CLASP2: variants seen among roughly 807,000 people sequenced by gnomAD.
CLASP2 encodes CLIP-associating protein 2.
Under a neutral mutation model 194.4 loss-of-function variants are expected in CLASP2, and 47 were observed. That is an observed-to-expected ratio of 0.24 (90% confidence interval 0.19 to 0.31). The LOEUF (loss-of-function observed/expected upper bound fraction) is 0.31. CLASP2 is among the 10% of genes least tolerant of loss of function. CLASP2 has a pLI of 1.00. For synonymous variants in CLASP2, 619 were observed against 633.5 expected, an observed-to-expected ratio of 0.98 and a Z score of 0.34; for missense variants, 1,445 against 1,823.6, an observed-to-expected ratio of 0.79 and a Z score of 3.78.
intron 10 of CLASP2, among the ~76,000 whole-genome samples, chr3:33,623,422 A>AC (rs1401289156): frequency 2.0e-5 from 3 of 150,066 alleles, no homozygotes; most frequent in African/African-American, 7.3e-5. Context: ...TCCCTACCCA[A>AC]CCCCCAACTA....
chr3:33,528,631 G>A (rs183624642), intron 34 of CLASP2, among the ~76,000 whole-genome samples: 2 of 152,206 alleles, frequency 1.3e-5, no homozygotes, highest in African/African-American at 2.4e-5. Flanking sequence ...GAGTGGTGGT[G>A]TGTGCCTGTA....
At position 33,571,015 on chromosome 3, in the gene CLASP2, A is replaced by ATTTTTTTTTTTTTTTTTTTTTTTTTTT. The variant is rs1027731514; in HGVS notation, c.2700-226_2700-225insAAAAAAAAAAAAAAAAAAAAAAAAAAA. ...AGATGGCAAGATCCTGTCTCTATAA[A>ATTTTTTTTTTTTTTTTTTTTTTTTTTT]TTTTTTTTTTTTTTTTTTGAGACGG... On this transcript the variant is annotated intron_variant, in intron 25 of 38. Coordinates refer to ENST00000682230, the MANE Select transcript of CLASP2 (RefSeq NM_001365631.1). Among the ~76,000 whole-genome samples, 18 of 123,920 alleles carry ATTTTTTTTTTTTTTTTTTTTTTTTTTT rather than the reference A, an allele frequency of 1.5e-4. 1 individual carries two copies. The highest frequency in any genetic ancestry group is 5.1e-4 in the East Asian group (2 of 3,910). The allele number at this position is 123,920 out of a possible 152,430, so 81.3% of individuals were successfully genotyped here.
At chr3:33,504,835 G>A (rs1012592683) in intron 37 of CLASP2, 1 of 152,606 alleles carries the variant, frequency 6.6e-6, no homozygotes, top group African/African-American at 2.4e-5. Context: ...TCTGACAGGA[G>A]GCGAAGCTCA....
chr3:33,596,433 T>TA (rs1280188093), intron 19 of CLASP2, among the ~76,000 whole-genome samples: 1 of 152,134 alleles, frequency 6.6e-6, no homozygotes, highest in Non-Finnish European at 1.5e-5. Flanking sequence ...GAATCGAGAA[T>TA]ATTCAGAGGC....
intron 6 of CLASP2, among the ~76,000 whole-genome samples, chr3:33,664,292 C>A (rs867993213): frequency 1.3e-5 from 2 of 151,652 alleles, no homozygotes; most frequent in Non-Finnish European, 2.9e-5. Flanking sequence ...TTTTAGTTTG[C>A]TTTTCTTTCT....
intron 1 of CLASP2, among the ~76,000 whole-genome samples, chr3:33,701,581 G>A (rs1398811404): frequency 6.6e-6 from 1 of 152,178 alleles, no homozygotes; most frequent in Non-Finnish European, 1.5e-5. Context: ...GGGTAACAGA[G>A]TAATACCCTG....
At chr3:33,715,847 TAAAAAAAAA>T (rs59528446) in intron 1 of CLASP2, among the ~76,000 whole-genome samples, 4 of 62,170 alleles carry the variant, frequency 6.4e-5, no homozygotes, top group Non-Finnish European at 8.6e-5. Context: ...GTATCTTAAG[TAAAAAAAAA>T]AAAAAAAAAA....
chr3:33,587,394 G>T (rs1035599434), intron 21 of CLASP2, among the ~76,000 whole-genome samples: 4 of 152,134 alleles, frequency 2.6e-5, no homozygotes, highest in Admixed American at 2.6e-4. Context: ...AAAGTGCTGG[G>T]ATTACAGGCG....
At chr3:33,689,560 A>G (rs948043675) in intron 3 of CLASP2, among the ~76,000 whole-genome samples, 3 of 152,134 alleles carry the variant, frequency 2.0e-5, no homozygotes, top group Admixed American at 2.0e-4. Context: ...GAGAAACCAA[A>G]AAATCCTAAA....
chr3:33,572,212 A>G (rs2063914371), intron 25 of CLASP2, among the ~76,000 whole-genome samples: 1 of 152,184 alleles, frequency 6.6e-6, no homozygotes, highest in Admixed American at 6.5e-5. Context: ...ATTCTAAACT[A>G]TGCCTACTCC....
chr3:33,651,382 C>CAAAA (rs11317189), intron 7 of CLASP2, among the ~76,000 whole-genome samples: 1 of 90,260 alleles, frequency 1.1e-5, no homozygotes, highest in African/African-American at 3.6e-5. Context: ...GATCCTGTCT[C>CAAAA]AAAAAAAAAA....
At chr3:33,507,360 G>C (rs1159961501) in intron 37 of CLASP2, among the ~76,000 whole-genome samples, 2 of 152,198 alleles carry the variant, frequency 1.3e-5, no homozygotes, top group Non-Finnish European at 2.9e-5. Flanking sequence ...TTCTGAATTT[G>C]ACAGAATATA....
intron 34 of CLASP2, among the ~76,000 whole-genome samples, chr3:33,521,648 G>C (rs2053126277): frequency 6.6e-6 from 1 of 152,206 alleles, no homozygotes; most frequent in Non-Finnish European, 1.5e-5. Flanking sequence ...GCAATGTGTG[G>C]TTCTGAAATG....
At chr3:33,611,878 AC>A (rs1418428718) in intron 13 of CLASP2, 122 bp downstream of exon 13, 43 of 670,746 alleles carry the variant, frequency 6.4e-5, no homozygotes, top group Non-Finnish European at 1.0e-4. Context: ...ACAAAACAAA[AC>A]ACTTTTTTAT....
At chr3:33,523,723 T>C (rs140801272) in intron 34 of CLASP2, among the ~76,000 whole-genome samples, 237 of 152,354 alleles carry the variant, frequency 1.6e-3, no homozygotes, top group African/African-American at 5.6e-3. Flanking sequence ...TTTTTTGTTT[T>C]CTACATAATC....
intron 37 of CLASP2, among the ~76,000 whole-genome samples, chr3:33,508,610 T>C (rs534536845): frequency 6.6e-6 from 1 of 152,360 alleles, no homozygotes; most frequent in African/African-American, 2.4e-5. Context: ...ATTACAGGCA[T>C]GAGCCACCAC....
Position 33,654,618 on chromosome 3 carries a change from T to A in CLASP2, c.715+8827A>T, listed in dbSNP as rs1056724829. On this transcript the variant is annotated intron_variant, in intron 7 of 38. Coordinates refer to ENST00000682230, the MANE Select transcript of CLASP2 (RefSeq NM_001365631.1). ...CCCAGAGCTAAAGAAAATCACAAGC[T>A]TTCAGAAGTAAAAGAATCAAATAGT... 1.3e-5 allele frequency among the ~76,000 whole-genome samples: 2 copies of A among 151,992 alleles called. 1 individual carries two copies. The highest frequency in any genetic ancestry group is 4.2e-4 in the South Asian group (2 of 4,810).
intron 1 of CLASP2, among the ~76,000 whole-genome samples, chr3:33,705,404 G>A (rs1376695424): frequency 6.6e-6 from 1 of 152,080 alleles, no homozygotes; most frequent in Non-Finnish European, 1.5e-5. Context: ...GGGTATGGAG[G>A]GTGGTATAAT....
rs934218178 is a variant in CLASP2 at position 33,498,629 on chromosome 3, CACTA to C, written c.4519_*1del. The C allele has an allele frequency of 1.2e-6, 2 of 1,603,898 alleles. No homozygotes were observed. Among genetic ancestry groups the C allele is most frequent in the Non-Finnish European group, 8.5e-7 (1 of 1,172,154 alleles). On this transcript the variant is annotated stop_lost and 3_prime_UTR_variant, in exon 39 of 39. Transcript: ENST00000682230. ...AGACCTGGTTCGCTGTGATGAGCTT[CACTA>C]ACTTTGTCCAGAAACATCAGTAGTG... is the stretch of plus-strand genomic sequence containing the variant.
Sources: gnomAD v4.1 joint callset for allele counts (sites outside exome capture counted in the v4.1 genomes callset) on GRCh38, gnomAD v4.1.1 for gene constraint, MANE v1.5 for transcripts, NCBI Gene and HGNC (gene_info 2026-07-23, HGNC 2026-07-21) for gene names.